The following SPTBN2 variants were observed in gnomAD, a reference collection of about 807,000 sequenced individuals.
SPTBN2 encodes spectrin beta chain, non-erythrocytic 2.
A neutral mutation model predicts 284.2 loss-of-function variants in SPTBN2; 107 were observed. The ratio of observed to expected loss-of-function variants is 0.38; its 90% CI spans 0.32 to 0.44. The LOEUF (loss-of-function observed/expected upper bound fraction) is 0.44, where lower values mean the gene tolerates loss of function less well. Ranked by LOEUF, SPTBN2 falls within the 20% of genes least tolerant of loss-of-function variation. SPTBN2 has a pLI of 1.00. For missense variants in SPTBN2, 2,569 were observed against 3,287.1 expected, an observed-to-expected ratio of 0.78 and a Z score of 5.34; for synonymous variants, 1,289 against 1,354.8, an observed-to-expected ratio of 0.95 and a Z score of 1.07.
At chr11:66,699,767 G>A (rs2135405109) in intron 17 of SPTBN2, among the ~76,000 whole-genome samples, 159 bp from the exon 18 acceptor site, 1 of 152,248 alleles carries the variant, frequency 6.6e-6, no homozygotes, top group South Asian at 2.1e-4. Context: ...AGCCAGCATG[G>A]GAGCCTCAGA....
At chr11:66,727,483 G>A (rs1942659492) in intron 1 of SPTBN2, among the ~76,000 whole-genome samples, 1 of 152,202 alleles carries the variant, frequency 6.6e-6, no homozygotes. Context: ...TGGCACCGGA[G>A]CCGGAACACC....
chr11:66,730,442 C>T (rs562735189), upstream of SPTBN2, among the ~76,000 whole-genome samples: 1 of 151,958 alleles, frequency 6.6e-6, no homozygotes, highest in Non-Finnish European at 1.5e-5. Context: ...ATTAGCCAGG[C>T]GTGGTGGTGG....
rs778677450 is a variant in SPTBN2, at chr11:66,713,688, T to G, written c.715A>C (p.Asn239His). 6.2e-7 allele frequency: 1 copy of G among 1,614,158 alleles called. No individual in the cohort carries two copies. Among genetic ancestry groups the G allele is most frequent in the Non-Finnish European group, 8.5e-7 (1 of 1,180,040 alleles). Residue 239 changes from asparagine (N) to histidine (H), a missense_variant, in exon 8 of 38, where the codon AAT becomes CAT. Coordinates refer to ENST00000533211, the MANE Select transcript of SPTBN2 (RefSeq NM_006946.4). The stretch of plus-strand genomic sequence containing the variant: ...TCCTTTTCAGCCAGATTGAATGCAT[T>G]CTGCAGATTATAGTGTGCATTACAC... Reference protein sequence around the residue: ...KKCNAHYNLQNAFNLAEKELG... With the variant: ...KKCNAHYNLQHAFNLAEKELG...
chr11:66,695,268 AT>A (rs977837847), intron 21 of SPTBN2, among the ~76,000 whole-genome samples: 1 of 152,152 alleles, frequency 6.6e-6, no homozygotes, highest in African/African-American at 2.4e-5. Flanking sequence ...TTTTTAAAAA[AT>A]TTTTTGAGAC....
At chr11:66,706,245 C>A (rs1941552021) in intron 13 of SPTBN2, among the ~76,000 whole-genome samples, 1 of 152,240 alleles carries the variant, frequency 6.6e-6, no homozygotes, top group African/African-American at 2.4e-5. Flanking sequence ...TGCCCACAGG[C>A]CTTCTTCAGA....
intron 30 of SPTBN2, 22 bp from the exon 31 acceptor site, chr11:66,688,871 G>A: frequency 1.9e-6 from 3 of 1,609,678 alleles, no homozygotes; most frequent in Non-Finnish European, 2.5e-6. Context: ...GGGGGTTGCA[G>A]GAAGATGGTG....
chr11:66,704,574 C>G (rs768934394), intron 15 of SPTBN2, 24 bp downstream of exon 15: 2 of 1,606,684 alleles, frequency 1.2e-6, no homozygotes, highest in African/African-American at 2.7e-5. Flanking sequence ...AAGGCTGGTC[C>G]CACTAGGAGC....
At chr11:66,737,626 C>T (rs1942863090) in intron 1 of SPTBN2, among the ~76,000 whole-genome samples, 1 of 152,140 alleles carries the variant, frequency 6.6e-6, no homozygotes, top group Non-Finnish European at 1.5e-5. Context: ...GCCTCTGAGG[C>T]GGCAAATTTC....
rs371310396 is a variant in SPTBN2, at chr11:66,685,898, G to A, written c.7146C>T (p.Arg2382=). ...KDGREREREK[R]FSFFKKNK ...ACTTGTTCTTCTTAAAGAAGCTGAA[G>A]CGTTTTTCTCGCTCTCGTTCTCTGC... Residue 2382 remains arginine (R), a synonymous_variant, in exon 38 of 38, where the codon CGC becomes CGT. Coordinates refer to ENST00000533211, the MANE Select transcript of SPTBN2 (RefSeq NM_006946.4). The surrounding 1 kb of genome is among the most constrained non-coding windows in gnomAD (Gnocchi z 4.4). 26 of 1,613,826 alleles carry A rather than the reference G, an allele frequency of 1.6e-5. No homozygotes were observed. Among genetic ancestry groups the A allele is most frequent in the Non-Finnish European group, 2.1e-5 (25 of 1,180,042 alleles).
At position 66,701,686 on chromosome 11, in the gene SPTBN2, G is replaced by C. The variant is rs542225342; in HGVS notation, c.2714C>G (p.Ala905Gly). The C allele has an allele frequency of 2.5e-6, 4 of 1,614,106 alleles. No homozygotes were observed. In the South Asian group the frequency reaches 3.3e-5, roughly 13 times the overall value. The change falls in exon 16 of 38, where the codon GCA becomes GGA. Residue 905 changes from alanine (A) to glycine (G), a missense_variant. This residue lies in a region of SPTBN2 where 1,012 missense variants were observed against 1,248.9 expected (regional missense o/e 0.81). Coordinates refer to ENST00000533211, the MANE Select transcript of SPTBN2 (RefSeq NM_006946.4). Reference sequence around the variant, plus strand: ...GTCATTCACCGCGGTGATTTGTGCTGCAAGGGTGTTCATTTCAGGCTCCAG... The same window carrying C: ...GTCATTCACCGCGGTGATTTGTGCTCCAAGGGTGTTCATTTCAGGCTCCAG... ...ETLEPEMNTL[A>G]AQITAVNDIA...
At position 66,683,988 on chromosome 11, in the gene SPTBN2, A is replaced by C. The variant is rs1939946617; in HGVS notation, c.*1883T>G. On this transcript the variant is annotated 3_prime_UTR_variant, in exon 38 of 38. Transcript: ENST00000533211. ...CCACCTGTTGGCTGTGGAACAGTAA[A>C]TCTACCCATCTTAAGGGGGAAATTA... Among the ~76,000 whole-genome samples, 1 of 152,202 alleles carries C rather than the reference A, an allele frequency of 6.6e-6. No individual in the cohort carries two copies. Among genetic ancestry groups the C allele is most frequent in the Non-Finnish European group, 1.5e-5 (1 of 68,026 alleles).
rs754055406 is a variant in SPTBN2 at position 66,691,582 on chromosome 11, G to T, written c.5267C>A (p.Ala1756Glu). The T allele has an allele frequency of 6.2e-7, 1 of 1,613,706 alleles. No homozygotes were observed. The change falls in exon 27 of 38, where the codon GCG (alanine) becomes GAG (glutamate). Residue 1756 changes from alanine to glutamate, a missense_variant. Transcript: ENST00000533211. This position sits in a 1 kb window ranked among gnomAD's most constrained non-coding sequence, Gnocchi z 8.0. ...IGQERVDSAN[A>E]LANGLIAGGH... ...CCCAGCAATGAGCCCATTGGCCAGC[G>T]CATTGGCGCTATCTACGCGCTCCTG...
At chr11:66,720,881 T>C (rs904433571) in intron 3 of SPTBN2, among the ~76,000 whole-genome samples, 1 of 152,014 alleles carries the variant, frequency 6.6e-6, no homozygotes, top group Non-Finnish European at 1.5e-5. Context: ...TCTCTATGCT[T>C]GGGGGGAAGA....
Position 66,689,870 on chromosome 11 carries a change from G to A in SPTBN2, c.5884C>T (p.Arg1962Cys), listed in dbSNP as rs200370228. The A allele has an allele frequency of 4.7e-5, 76 of 1,613,960 alleles. No homozygotes were observed. Among genetic ancestry groups the A allele is most frequent in the East Asian group, 1.3e-4 (6 of 44,882 alleles). Residue 1962 changes from arginine to cysteine, a missense_variant, in exon 29 of 38, where the codon CGC (arginine) becomes TGC (cysteine). By Grantham distance (180) the Arg-to-Cys change is radical. Around this residue, in one of 6 missense-constraint regions of SPTBN2, gnomAD observed 1,130 missense variants for 1,317.3 expected, o/e 0.86. Transcript: ENST00000533211. ...CCCATGTCGATGCAGGAGGAGAAGC[G>A]GTCTGCCCGGGCCTCTATCTCTGCC... ...IKAEIEARAD[R>C]FSSCIDMGKE...
At chr11:66,728,257 A>AGGCAGCGGCCGGGCGCACGGCG (rs1942704698) in intron 1 of SPTBN2, 1 of 143,948 alleles carries the variant, frequency 6.9e-6, no homozygotes, top group South Asian at 2.1e-4. Flanking sequence ...GGGCGGTTGC[A>AGGCAGCGGCCGGGCGCACGGCG]GGCAGCGGCC....
chr11:66,689,787 C>T lies in SPTBN2; in HGVS notation c.5949+18G>A. ...CACTGCACAGTGAGAATGGCCCGGC[C>T]ACCCAGGCCTCACCCACCTCCTCGG... is the stretch of plus-strand genomic sequence containing the variant. On this transcript the variant is annotated intron_variant, in intron 29 of 37. Transcript: ENST00000533211. The T allele has an allele frequency of 6.2e-7, 1 of 1,612,542 alleles. No individual in the cohort carries two copies.
At chr11:66,696,147 C>T in intron 21 of SPTBN2, 130 bp downstream of exon 21, 1 of 1,223,302 alleles carries the variant, frequency 8.2e-7, no homozygotes, top group Non-Finnish European at 1.2e-6. Flanking sequence ...TACTGGCTGC[C>T]CAAAGAAATG....
At chr11:66,706,583 G>A (rs1022056927) in intron 13 of SPTBN2, among the ~76,000 whole-genome samples, 6 of 150,688 alleles carry the variant, frequency 4.0e-5, no homozygotes, top group Non-Finnish European at 5.9e-5. Context: ...CGCCCGCCTC[G>A]GCCTCCCAAA....
intron 1 of SPTBN2, chr11:66,728,170 G>C (rs971374061): frequency 6.8e-6 from 1 of 146,090 alleles, no homozygotes; most frequent in African/African-American, 2.5e-5. Context: ...CCTCGGCGCG[G>C]AGCCGCGGCC....
Sources: gnomAD v4.1 joint callset for allele counts (sites outside exome capture counted in the v4.1 genomes callset) on GRCh38, gnomAD v4.1.1 for gene constraint, gnomAD v4.1.1 regional missense constraint, Gnocchi (gnomAD v3.1) non-coding constraint, MANE v1.5 for transcripts, NCBI Gene and HGNC (gene_info 2026-07-23, HGNC 2026-07-21) for gene names.